The following SH3PXD2B variants were observed in gnomAD, a reference collection of about 807,000 sequenced individuals.
The protein encoded by SH3PXD2B is SH3 and PX domain-containing protein 2B.
SH3PXD2B carries 37 observed loss-of-function variants against 73.1 expected under a neutral mutation model. That is an observed-to-expected ratio of 0.51 (90% CI 0.39 to 0.67). The LOEUF (loss-of-function observed/expected upper bound fraction) is 0.67. SH3PXD2B is among the 30% of genes least tolerant of loss of function. The probability of loss-of-function intolerance (pLI) is 0.00; values close to 1 mark genes in which losing one functional copy is unlikely to be tolerated. For missense variants in SH3PXD2B, 1,053 were observed against 1,197.8 expected (o/e 0.88, Z 1.78); for synonymous variants, 457 against 480.5 (o/e 0.95, Z 0.64).
At position 172,345,124 on chromosome 5, in the gene SH3PXD2B, G is replaced by GGGAA. The variant is rs72124421; in HGVS notation, c.1188+1008_1188+1011dup. Among the ~76,000 whole-genome samples, 1,004 of 149,850 alleles carry GGGAA rather than the reference G, an allele frequency of 6.7e-3. 11 individuals carry two copies. The highest frequency in any genetic ancestry group is 0.023 in the African/African-American group (923 of 40,732). On this transcript the variant is annotated intron_variant, in intron 12 of 12. Coordinates refer to ENST00000311601, the MANE Select transcript of SH3PXD2B (RefSeq NM_001017995.3). ...AGGGAAGGAAGAAGGGAAGGAAGGA[G>GGGAA]GGAAGGAAGGAATGAAGGCGTGCAG...
chr5:172,431,638 A>T (rs903136550), intron 1 of SH3PXD2B, among the ~76,000 whole-genome samples: 5 of 152,214 alleles, frequency 3.3e-5, no homozygotes, highest in Admixed American at 1.3e-4. Flanking sequence ...TTCTGTAATG[A>T]TATCAACTGT....
chr5:172,337,980 G>A lies in SH3PXD2B; in HGVS notation c.*389C>T. ...TGGACTGGGTTGGCTGCCCCTTACT[G>A]TGCCATGTCCAAGCCATGAGAGACC... On this transcript the variant is annotated 3_prime_UTR_variant, in exon 13 of 13. Coordinates refer to ENST00000311601, the MANE Select transcript of SH3PXD2B (RefSeq NM_001017995.3). 1.8e-6 allele frequency: 2 copies of A among 1,135,266 alleles called. No homozygotes were observed. The highest frequency in any genetic ancestry group is 2.2e-6 in the Non-Finnish European group (2 of 921,728). The allele number at this position is 1,135,266 out of a possible 1,614,324, so 70.3% of individuals were successfully genotyped here.
At position 172,450,955 on chromosome 5, in the gene SH3PXD2B, A is replaced by G. The variant is rs891440167; in HGVS notation, c.75+3323T>C. Among the ~76,000 whole-genome samples the G allele has an allele frequency of 5.9e-5, 9 of 152,232 alleles. No homozygotes were observed. The South Asian group carries it at 1.5e-3, about 25-fold the overall frequency. Reference sequence around the variant, plus strand: ...GCTCCAGGGAAAGGCTCTCCAAACAATATCATGGTTCATTGTCATCAGCCT... The same window carrying G: ...GCTCCAGGGAAAGGCTCTCCAAACAGTATCATGGTTCATTGTCATCAGCCT... On this transcript the variant is annotated intron_variant, in intron 1 of 12. Transcript: ENST00000311601.
intron 2 of SH3PXD2B, among the ~76,000 whole-genome samples, chr5:172,416,932 T>A (rs1758840619): frequency 6.6e-6 from 1 of 151,912 alleles, no homozygotes; most frequent in Admixed American, 6.6e-5. Flanking sequence ...TGGTCTTGAA[T>A]TTCTGGGCTT....
chr5:172,345,779 G>A (rs536935389), intron 12 of SH3PXD2B, among the ~76,000 whole-genome samples: 1 of 152,268 alleles, frequency 6.6e-6, no homozygotes, highest in South Asian at 2.1e-4. Context: ...CACATACTGT[G>A]GGATTTCATC....
intron 10 of SH3PXD2B, among the ~76,000 whole-genome samples, chr5:172,347,742 T>C (rs1477877060): frequency 6.6e-6 from 1 of 152,148 alleles, no homozygotes; most frequent in Non-Finnish European, 1.5e-5. Flanking sequence ...ACTGGCATAA[T>C]GTGTGTCACC....
chr5:172,429,626 G>C (rs1759184820), intron 1 of SH3PXD2B, among the ~76,000 whole-genome samples: 1 of 152,134 alleles, frequency 6.6e-6, no homozygotes, highest in Non-Finnish European at 1.5e-5. Flanking sequence ...AGGGAGGGTG[G>C]GAGGAATTGG....
At chr5:172,418,334 G>A (rs1758873835) in intron 2 of SH3PXD2B, among the ~76,000 whole-genome samples, 1 of 152,220 alleles carries the variant, frequency 6.6e-6, no homozygotes, top group South Asian at 2.1e-4. Flanking sequence ...TGTCACCAAT[G>A]AGGGCTCTCA....
chr5:172,390,797 A>G (rs978888830), intron 4 of SH3PXD2B, among the ~76,000 whole-genome samples: 1 of 150,218 alleles, frequency 6.7e-6, no homozygotes, highest in Non-Finnish European at 1.5e-5. Flanking sequence ...ACTGTCTTCC[A>G]AAGTAGCTTC....
At position 172,367,569 on chromosome 5, in the gene SH3PXD2B, A is replaced by G. The variant is rs1192110340; in HGVS notation, c.428-4700T>C. Among the ~76,000 whole-genome samples, 5 of 151,984 alleles carry G rather than the reference A, an allele frequency of 3.3e-5. No homozygotes were observed. In the South Asian group the frequency reaches 6.2e-4, roughly 19 times the overall value. On this transcript the variant is annotated intron_variant, in intron 6 of 12. Transcript: ENST00000311601. ...GACCTTATCTCCTTCACTCTCCCCA[A>G]TGTGGCGCAGATGGTTACTTATCCC... is the stretch of plus-strand genomic sequence containing the variant.
rs1757202053 is a variant in SH3PXD2B at position 172,353,436 on chromosome 5, T to G, written c.785+452A>C. Among the ~76,000 whole-genome samples, 1 of 152,226 alleles carries G rather than the reference T, an allele frequency of 6.6e-6. No homozygotes were observed. Among genetic ancestry groups the G allele is most frequent in the South Asian group, 2.1e-4 (1 of 4,834 alleles). ...AAAGGGCTGTGAAAGGTGTTTGGAA[T>G]GCAGACGCCCTGCTTTTACCATTGG... On this transcript the variant is annotated intron_variant, in intron 9 of 12. Coordinates refer to ENST00000311601, the MANE Select transcript of SH3PXD2B (RefSeq NM_001017995.3). The surrounding 1 kb of genome is among the most constrained non-coding windows in gnomAD (Gnocchi z 4.3).
At chr5:172,369,307 A>G (rs1561909206) in intron 6 of SH3PXD2B, among the ~76,000 whole-genome samples, 1 of 151,554 alleles carries the variant, frequency 6.6e-6, no homozygotes, top group African/African-American at 2.4e-5. Flanking sequence ...AATGAGAAAG[A>G]ATTATTATTA....
At chr5:172,454,182 G>A in intron 1 of SH3PXD2B, 96 bp downstream of exon 1, 1 of 1,035,724 alleles carries the variant, frequency 9.7e-7, no homozygotes, top group Non-Finnish European at 1.4e-6. Flanking sequence ...GAGGGGACGG[G>A]AAGCGCTGGA....
chr5:172,359,532 C>A (rs1205169395), intron 7 of SH3PXD2B, among the ~76,000 whole-genome samples: 3 of 152,132 alleles, frequency 2.0e-5, no homozygotes, highest in Non-Finnish European at 4.4e-5. Context: ...AAGAGGCAAA[C>A]CGACTTGTCC....
Position 172,358,763 on chromosome 5 carries a change from TCCTCCCTAC to T in SH3PXD2B, c.667+1_667+9del, listed in dbSNP as rs1263932249. 1.9e-6 allele frequency: 3 copies of T among 1,608,490 alleles called. No homozygotes were observed. The highest frequency in any genetic ancestry group is 2.5e-6 in the Non-Finnish European group (3 of 1,177,768). On this transcript the variant is annotated splice_donor_variant and splice_donor_5th_base_variant and intron_variant, in intron 8 of 12. Coordinates refer to ENST00000311601, the MANE Select transcript of SH3PXD2B (RefSeq NM_001017995.3). LOFTEE classifies it high-confidence loss of function. ...CTCCCCAGTGAGCAGAGGCTCGAGC[TCCTCCCTAC>T]CTTCTTCAGGCTGCAGAGAAAACTC...
intron 4 of SH3PXD2B, among the ~76,000 whole-genome samples, chr5:172,383,852 CTT>C (rs113181175): frequency 8.9e-5 from 12 of 135,244 alleles, no homozygotes; most frequent in Non-Finnish European, 6.4e-5. Context: ...TTCTTTCTTT[CTT>C]TTTTTTTTTT....
chr5:172,366,581 C>T (rs907639988), intron 6 of SH3PXD2B, among the ~76,000 whole-genome samples: 1 of 152,050 alleles, frequency 6.6e-6, no homozygotes, highest in Non-Finnish European at 1.5e-5. Context: ...CTAACTGGTC[C>T]CTGGTACCAG....
In SH3PXD2B at chr5:172,381,630, G is replaced by A. The variant is rs965534220; in HGVS notation, c.401+406C>T. Among the ~76,000 whole-genome samples, 97 of 152,274 alleles carry A rather than the reference G, an allele frequency of 6.4e-4. 2 individuals are homozygous for A. Among genetic ancestry groups the A allele is most frequent in the Admixed American group, 5.8e-3 (88 of 15,304 alleles). On this transcript the variant is annotated intron_variant, in intron 5 of 12. Transcript: ENST00000311601. ...TGAAATCCCGGCCCCGTTGCTCACCGGCAGTGGGGTCTTCGTTGGTTTGGG... is the reference window on the plus strand; with the variant it reads ...TGAAATCCCGGCCCCGTTGCTCACCAGCAGTGGGGTCTTCGTTGGTTTGGG...
At chr5:172,346,546 G>T (rs539751947) in intron 11 of SH3PXD2B, among the ~76,000 whole-genome samples, 149 of 152,212 alleles carry the variant, frequency 9.8e-4, no homozygotes, top group African/African-American at 3.4e-3. Context: ...AGGCAGTGAG[G>T]GTTGTGGAGG....
Sources: gnomAD v4.1 joint callset for allele counts (sites outside exome capture counted in the v4.1 genomes callset) on GRCh38, gnomAD v4.1.1 for gene constraint, Gnocchi (gnomAD v3.1) non-coding constraint, MANE v1.5 for transcripts, NCBI Gene and HGNC (gene_info 2026-07-23, HGNC 2026-07-21) for gene names.